The following ANK2 variants were observed in gnomAD, a reference collection of about 807,000 sequenced individuals.
The protein encoded by ANK2 is ankyrin 2.
Under a neutral mutation model 360.5 loss-of-function variants are expected in ANK2, and 83 were observed. The observed-to-expected ratio is 0.23, with a 90% confidence interval of 0.19 to 0.28. ANK2 has a LOEUF of 0.28. Ranked by LOEUF, ANK2 falls within the 10% of genes least tolerant of loss-of-function variation. The pLI is 1.00. For missense variants in ANK2, 4,201 were observed against 4,795.7 expected (o/e 0.88, Z 3.66); for synonymous variants, 1,740 against 1,759.5 (o/e 0.99, Z 0.28).
chr4:112,801,906 G>A, the ANK2 span, among the ~76,000 whole-genome samples: 8 of 152,034 alleles, frequency 5.3e-5, no homozygotes, highest in African/African-American at 1.4e-4. Flanking sequence ...CTCTAGCTAC[G>A]GTACAGAGTA....
intron 4 of ANK2, among the ~76,000 whole-genome samples, chr4:113,211,507 A>G (rs889082013): frequency 6.6e-6 from 1 of 152,198 alleles, no homozygotes; most frequent in South Asian, 2.1e-4. Flanking sequence ...TGTTTTGACC[A>G]AAAATTGTGG....
the ANK2 span, among the ~76,000 whole-genome samples, chr4:112,756,713 G>A: frequency 6.6e-6 from 1 of 152,140 alleles, no homozygotes; most frequent in Admixed American, 6.5e-5. Context: ...TGGCTCATGC[G>A]TGTGATCCCA....
At chr4:112,808,886 C>A in the ANK2 span, among the ~76,000 whole-genome samples, 2 of 152,062 alleles carry the variant, frequency 1.3e-5, no homozygotes, top group Admixed American at 6.5e-5. Context: ...GAGACAAATT[C>A]TTTCTCTGTT....
chr4:112,709,681 G>A, the ANK2 span, among the ~76,000 whole-genome samples: 8 of 152,174 alleles, frequency 5.3e-5, no homozygotes, highest in South Asian at 2.1e-4. Flanking sequence ...CCCAGGAGGC[G>A]GAGGTTGCGG....
At chr4:113,155,776 A>C (rs1427075086) in intron 1 of ANK2, among the ~76,000 whole-genome samples, 1 of 152,204 alleles carries the variant, frequency 6.6e-6, no homozygotes, top group African/African-American at 2.4e-5. Context: ...AATATTAAAA[A>C]ATACTTTTGA....
chr4:113,042,340 C>G (rs572271347), intron 2 of ANK2, among the ~76,000 whole-genome samples: 6 of 152,168 alleles, frequency 3.9e-5, no homozygotes, highest in Non-Finnish European at 5.9e-5. Flanking sequence ...CACAAGCTTT[C>G]TTGGTTCTCC....
intron 2 of ANK2, among the ~76,000 whole-genome samples, chr4:112,950,753 C>T (rs939515276): frequency 1.1e-4 from 16 of 151,312 alleles, no homozygotes; most frequent in African/African-American, 3.6e-4. Flanking sequence ...CACAGTATTT[C>T]GGTAGGAAAA....
chr4:112,708,726 G>C, the ANK2 span, among the ~76,000 whole-genome samples: 2 of 152,088 alleles, frequency 1.3e-5, no homozygotes, highest in East Asian at 3.9e-4. Context: ...AGACAAAATA[G>C]TTATTTATCA....
intron 2 of ANK2, among the ~76,000 whole-genome samples, chr4:112,994,277 G>A (rs1333002154): frequency 1.3e-5 from 2 of 152,212 alleles, no homozygotes; most frequent in African/African-American, 4.8e-5. Context: ...CTGGGAGACA[G>A]CAACATTTTT....
chr4:112,882,895 T>A (rs529833923), intron 1 of ANK2, among the ~76,000 whole-genome samples: 1 of 151,928 alleles, frequency 6.6e-6, no homozygotes, highest in African/African-American at 2.4e-5. Flanking sequence ...ACAAAATACA[T>A]TGGAGTGCAC....
At chr4:112,926,933 C>T (rs1054321174) in intron 2 of ANK2, among the ~76,000 whole-genome samples, 1 of 152,160 alleles carries the variant, frequency 6.6e-6, no homozygotes, top group East Asian at 1.9e-4. Flanking sequence ...CACAGTTCCA[C>T]AGGACTGGGG....
chr4:112,767,165 G>C, the ANK2 span, among the ~76,000 whole-genome samples: 1 of 152,074 alleles, frequency 6.6e-6, no homozygotes, highest in East Asian at 1.9e-4. Flanking sequence ...ATTTCTTAAG[G>C]CCTACTTTTG....
chr4:112,710,597 C>T, the ANK2 span, among the ~76,000 whole-genome samples: 1 of 151,754 alleles, frequency 6.6e-6, no homozygotes, highest in Non-Finnish European at 1.5e-5. Flanking sequence ...ACCCGGGAGG[C>T]TGAGGCAGGA....
In ANK2 at chr4:113,376,039, C is replaced by A. The variant is rs374060597; in HGVS notation, c.11859+2590C>A. Reference sequence around the variant, plus strand: ...GAGGTTGCCATTTTTAAAATTTTTGCATGAGTGAAAAATCAGACCTTGGTG... The same window carrying A: ...GAGGTTGCCATTTTTAAAATTTTTGAATGAGTGAAAAATCAGACCTTGGTG... On this transcript the variant is annotated intron_variant, in intron 45 of 45. Transcript: ENST00000357077. 8.5e-5 allele frequency among the ~76,000 whole-genome samples: 13 copies of A among 152,234 alleles called. No individual in the cohort carries two copies. In the South Asian group the frequency reaches 2.7e-3, roughly 32 times the overall value.
chr4:113,206,643 T>A (rs2098952977), intron 4 of ANK2, among the ~76,000 whole-genome samples: 1 of 142,958 alleles, frequency 7.0e-6, no homozygotes, highest in Non-Finnish European at 1.5e-5. Flanking sequence ...CAGGGGCATC[T>A]GTGCTCCTCA....
At chr4:113,052,945 G>A (rs939960858) in intron 1 of ANK2, among the ~76,000 whole-genome samples, 2 of 152,208 alleles carry the variant, frequency 1.3e-5, no homozygotes, top group Non-Finnish European at 2.9e-5. Flanking sequence ...TTATCTACAG[G>A]AGAACAGGCT....
At chr4:112,966,504 T>C (rs1266380598) in intron 2 of ANK2, among the ~76,000 whole-genome samples, 1 of 152,036 alleles carries the variant, frequency 6.6e-6, no homozygotes. Flanking sequence ...TTTAAAATCA[T>C]ATATAAAAAT....
chr4:112,761,824 A>C, the ANK2 span, among the ~76,000 whole-genome samples: 2 of 152,024 alleles, frequency 1.3e-5, no homozygotes, highest in South Asian at 4.2e-4. Context: ...TTTTTTCCTC[A>C]TGTCACTCTA....
At chr4:113,274,716 C>T in intron 15 of ANK2, 67 bp downstream of exon 15, 1 of 1,528,676 alleles carries the variant, frequency 6.5e-7, no homozygotes, top group Non-Finnish European at 9.0e-7. Context: ...TTCTGCTCTA[C>T]CACATACAGA....
Sources: allele counts gnomAD v4.1 joint callset (sites outside exome capture counted in the v4.1 genomes callset), GRCh38; gene constraint gnomAD v4.1.1; transcripts MANE v1.5; gene names NCBI Gene and HGNC (gene_info 2026-07-23, HGNC 2026-07-21).